The following MAP2 variants were observed in gnomAD, a reference collection of about 807,000 sequenced individuals.
MAP2 encodes the protein microtubule-associated protein 2.
MAP2 carries 14 observed loss-of-function variants against 137.6 expected under a neutral mutation model. The ratio of observed to expected loss-of-function variants is 0.10; its 90% CI spans 0.07 to 0.16. The LOEUF (loss-of-function observed/expected upper bound fraction) is 0.16. MAP2 is among the 10% of genes least tolerant of loss of function. MAP2 has a pLI of 1.00. For missense variants in MAP2, 2,088 were observed against 2,191.5 expected (o/e 0.95, Z 0.94); for synonymous variants, 786 against 782.3 (o/e 1.00, Z -0.08).
intron 13 of MAP2, among the ~76,000 whole-genome samples, chr2:209,722,293 C>T (rs1452726936): frequency 6.6e-6 from 1 of 152,188 alleles, no homozygotes; most frequent in Non-Finnish European, 1.5e-5. Context: ...TGATATTTCC[C>T]TGCAAGGGAC....
chr2:209,547,293 A>T (rs1296479823), intron 2 of MAP2, among the ~76,000 whole-genome samples: 1 of 151,608 alleles, frequency 6.6e-6, no homozygotes. Context: ...CCCCCCACAA[A>T]AAGAAGACCT....
intron 3 of MAP2, among the ~76,000 whole-genome samples, chr2:209,593,735 AATAC>A (rs1301037050): frequency 8.3e-4 from 2 of 2,410 alleles, no homozygotes; most frequent in Non-Finnish European, 1.1e-3. Context: ...TATATAATAT[AATAC>A]ATTATATTAT....
chr2:209,729,832 G>A lies in MAP2; in HGVS notation c.5156-18G>A, dbSNP rs369029512. 4.1e-5 allele frequency: 62 copies of A among 1,526,520 alleles called. No individual in the cohort carries two copies. Among genetic ancestry groups the A allele is most frequent in the Middle Eastern group, 1.7e-4 (1 of 5,876 alleles). 94.6% of individuals were successfully genotyped at this position (1,526,520 alleles called of 1,614,324 possible). ...GAATGCAAGATATAGTTAAATCAAG[G>A]TATTTCTTCCCTCATAGGTGGCGGA... On this transcript the variant is annotated intron_variant, in intron 14 of 15. Transcript: ENST00000682079.
chr2:209,698,909 T>C (rs2060998716), intron 10 of MAP2, among the ~76,000 whole-genome samples: 1 of 152,210 alleles, frequency 6.6e-6, no homozygotes. Flanking sequence ...ATCAGGATTG[T>C]GGAATTTTAG....
At chr2:209,442,781 C>T (rs1364749980) in intron 1 of MAP2, among the ~76,000 whole-genome samples, 1 of 151,640 alleles carries the variant, frequency 6.6e-6, no homozygotes, top group African/African-American at 2.4e-5. Flanking sequence ...AATATCCACC[C>T]TTACATTCCT....
intron 1 of MAP2, among the ~76,000 whole-genome samples, chr2:209,429,757 T>C (rs946677331): frequency 6.6e-6 from 1 of 152,176 alleles, no homozygotes; most frequent in Non-Finnish European, 1.5e-5. Flanking sequence ...TTTACATTTA[T>C]TTAAGTAGTA....
Position 209,717,422 on chromosome 2 carries a change from A to G in MAP2, c.5073+7168A>G, listed in dbSNP as rs979861774. Among the ~76,000 whole-genome samples the G allele has an allele frequency of 2.0e-5, 3 of 152,128 alleles. 1 individual carries two copies. Among genetic ancestry groups the G allele is most frequent in the South Asian group, 4.1e-4 (2 of 4,820 alleles). On this transcript the variant is annotated intron_variant, in intron 13 of 15. Transcript: ENST00000682079. Reference sequence around the variant, plus strand: ...CTCCTCCCACCAGGTCCCTCCTCCAATTCAACCTGAGATTTGGGCAGGGAC... The same window carrying G: ...CTCCTCCCACCAGGTCCCTCCTCCAGTTCAACCTGAGATTTGGGCAGGGAC...
intron 1 of MAP2, among the ~76,000 whole-genome samples, chr2:209,445,476 G>A (rs1698838392): frequency 7.4e-6 from 1 of 135,998 alleles, no homozygotes; most frequent in Non-Finnish European, 1.7e-5. Flanking sequence ...CAGCAGAGAC[G>A]TTGCAACACA....
At chr2:209,703,075 A>G (rs752622874) in intron 11 of MAP2, among the ~76,000 whole-genome samples, 1 of 152,094 alleles carries the variant, frequency 6.6e-6, no homozygotes, top group Non-Finnish European at 1.5e-5. Flanking sequence ...GGAGTTATCA[A>G]CACCTGTAAA....
intron 3 of MAP2, among the ~76,000 whole-genome samples, chr2:209,594,053 C>G (rs1014253371): frequency 1.4e-5 from 2 of 140,936 alleles, no homozygotes; most frequent in African/African-American, 2.7e-5. Context: ...CAGGCTGATA[C>G]GAGAGGATCA....
In MAP2 at chr2:209,529,194, A is replaced by G. The variant is rs562452604; in HGVS notation, c.-172+21553A>G. 9.9e-5 allele frequency among the ~76,000 whole-genome samples: 15 copies of G among 152,190 alleles called. 1 individual carries two copies. In the South Asian group the frequency reaches 2.7e-3, roughly 27 times the overall value. On this transcript the variant is annotated intron_variant, in intron 2 of 15. Coordinates refer to ENST00000682079, the MANE Select transcript of MAP2 (RefSeq NM_001375505.1). ...GCAACAGTTATCAAATGTGGTGGAG[A>G]GGACACTAAAGCTTCCTTGCTTGCA...
At position 209,649,595 on chromosome 2, in the gene MAP2, C is replaced by T. The variant is rs191140468; in HGVS notation, c.-29-3547C>T. On this transcript the variant is annotated intron_variant, in intron 4 of 15. Transcript: ENST00000682079. Reference sequence around the variant, plus strand: ...TTGTTCAATAAACTTTTCCCTAAAACAGAGGCAATCTTTTCAAGTTATATT... The same window carrying T: ...TTGTTCAATAAACTTTTCCCTAAAATAGAGGCAATCTTTTCAAGTTATATT... 2.9e-3 allele frequency among the ~76,000 whole-genome samples: 444 copies of T among 152,214 alleles called. 2 individuals carry two copies. The highest frequency in any genetic ancestry group is 0.01 in the African/African-American group (417 of 41,532).
At chr2:209,545,573 A>G (rs1392963926) in intron 2 of MAP2, among the ~76,000 whole-genome samples, 14 of 152,224 alleles carry the variant, frequency 9.2e-5, no homozygotes, top group Admixed American at 9.2e-4. Context: ...TTTGATTTCT[A>G]CATAAATCAG....
At chr2:209,616,055 C>G (rs2089222000) in intron 3 of MAP2, among the ~76,000 whole-genome samples, 1 of 152,168 alleles carries the variant, frequency 6.6e-6, no homozygotes, top group African/African-American at 2.4e-5. Flanking sequence ...ATTTTCATTG[C>G]TCAATAAAAT....
intron 1 of MAP2, among the ~76,000 whole-genome samples, chr2:209,431,431 G>A (rs1420536410): frequency 6.6e-6 from 1 of 152,122 alleles, no homozygotes; most frequent in Non-Finnish European, 1.5e-5. Flanking sequence ...ACAAATGAGA[G>A]TTACAAATAC....
chr2:209,539,553 T>C (rs1375724927), intron 2 of MAP2, among the ~76,000 whole-genome samples: 1 of 152,220 alleles, frequency 6.6e-6, no homozygotes, highest in Non-Finnish European at 1.5e-5. Flanking sequence ...TGTTCCTAAA[T>C]GACTATTCTC....
intron 2 of MAP2, chr2:209,579,242 T>A (rs2075839917): frequency 6.7e-6 from 1 of 148,860 alleles, no homozygotes; most frequent in Non-Finnish European, 1.5e-5. Context: ...TGAAAACTGT[T>A]TCTCTATTTA....
chr2:209,516,106 T>C (rs1215286502), intron 2 of MAP2, among the ~76,000 whole-genome samples: 1 of 152,104 alleles, frequency 6.6e-6, no homozygotes, highest in African/African-American at 2.4e-5. Context: ...GGATAGAATG[T>C]TTATAAACAG....
At chr2:209,658,034 G>A (rs1465895783) in intron 5 of MAP2, among the ~76,000 whole-genome samples, 1 of 152,032 alleles carries the variant, frequency 6.6e-6, no homozygotes, top group East Asian at 1.9e-4. Flanking sequence ...ATGCATTTTG[G>A]TCCCCACAGA....
Sources: allele counts gnomAD v4.1 joint callset (sites outside exome capture counted in the v4.1 genomes callset), GRCh38; gene constraint gnomAD v4.1.1; transcripts MANE v1.5; gene names NCBI Gene and HGNC (gene_info 2026-07-23, HGNC 2026-07-21).